The following DDAH1 variants were observed in gnomAD, a reference collection of about 807,000 sequenced individuals.
DDAH1 encodes the protein N(G),N(G)-dimethylarginine dimethylaminohydrolase 1.
Under a neutral mutation model 28.8 loss-of-function variants are expected in DDAH1, and 19 were observed. The observed-to-expected ratio is 0.66, with a 90% CI of 0.46 to 0.97. The LOEUF is 0.97. Among genes scored for constraint, DDAH1 ranks in the 50% least tolerant of loss-of-function variants. The pLI, the probability that DDAH1 is intolerant of heterozygous loss-of-function variation, is 0.00. For missense variants in DDAH1, 326 were observed against 375.9 expected (o/e 0.87, Z 1.10); for synonymous variants, 153 against 154.4 (o/e 0.99, Z 0.07).
At chr1:85,550,743 T>TAA (rs1411862897) in intron 1 of DDAH1, among the ~76,000 whole-genome samples, 3 of 150,274 alleles carry the variant, frequency 2.0e-5, no homozygotes, top group Non-Finnish European at 4.4e-5. Context: ...TAAGTAATAA[T>TAA]AAAAAACACA....
intron 4 of DDAH1, among the ~76,000 whole-genome samples, chr1:85,337,715 G>A (rs1050936208): frequency 6.6e-6 from 1 of 152,128 alleles, no homozygotes; most frequent in African/African-American, 2.4e-5. Flanking sequence ...GCCTCCCAAA[G>A]TCCTGGCATG....
rs147804796 is a variant in DDAH1, at chr1:85,569,075, T to C, written c.-123+8909A>G. ...GGCCTGTGTGAACTCCCCAAGAATC[T>C]ACTGAGTTGTAAATAACACCTGATG... On this transcript the variant is annotated intron_variant, in intron 1 of 6. Coordinates refer to the DDAH1 transcript ENST00000426972. Among the ~76,000 whole-genome samples, 63 of 152,312 alleles carry C rather than the reference T, an allele frequency of 4.1e-4. No homozygotes were observed. The East Asian group carries it at 0.012, about 28-fold the overall frequency.
At chr1:85,449,985 A>G (rs772007818) in intron 1 of DDAH1, among the ~76,000 whole-genome samples, 6 of 152,156 alleles carry the variant, frequency 3.9e-5, no homozygotes, top group Non-Finnish European at 8.8e-5. Context: ...TACAAACAGG[A>G]GCAACAGCAT....
Position 85,465,139 on chromosome 1 carries a change from C to G in DDAH1, c.-94G>C. On this transcript the variant is annotated 5_prime_UTR_variant, in exon 1 of 6. Coordinates refer to ENST00000284031, the MANE Select transcript of DDAH1 (RefSeq NM_012137.4). ...TGAGCCTGCGAGCGCCCGTCGGCTC[C>G]TCTTGGCAGCCGCTGAATGTGGTGC... 8.6e-7 allele frequency: 1 copy of G among 1,164,814 alleles called. No individual in the cohort carries two copies. The highest frequency in any genetic ancestry group is 1.1e-6 in the Non-Finnish European group (1 of 945,722). 72.2% of individuals were successfully genotyped at this position (1,164,814 alleles called of 1,614,324 possible).
chr1:85,470,219 T>G (rs1445214789), intron 2 of DDAH1, among the ~76,000 whole-genome samples: 1 of 152,186 alleles, frequency 6.6e-6, no homozygotes, highest in Non-Finnish European at 1.5e-5. Flanking sequence ...TTTTATGGAC[T>G]CACAGTTCCA....
chr1:85,364,552 CT>C (rs34633935), intron 1 of DDAH1, among the ~76,000 whole-genome samples: 49,765 of 147,532 alleles, frequency 0.34, 8,258 homozygotes, highest in South Asian at 0.4. Flanking sequence ...TGATTACTTT[CT>C]TTTTTTTTTT....
intron 1 of DDAH1, among the ~76,000 whole-genome samples, chr1:85,524,367 T>C (rs1386832352): frequency 2.0e-5 from 3 of 148,454 alleles, no homozygotes; most frequent in African/African-American, 7.5e-5. Context: ...GGCGTTTGAA[T>C]AGGACCTTAA....
At chr1:85,462,724 C>T (rs983376521) in intron 1 of DDAH1, among the ~76,000 whole-genome samples, 4 of 152,198 alleles carry the variant, frequency 2.6e-5, no homozygotes, top group Admixed American at 6.5e-5. Context: ...GCATCCCATC[C>T]AACACTGACT....
chr1:85,460,320 C>G (rs1655073031), intron 1 of DDAH1, among the ~76,000 whole-genome samples: 1 of 152,196 alleles, frequency 6.6e-6, no homozygotes, highest in South Asian at 2.1e-4. Flanking sequence ...TTCCCCATCC[C>G]TTCCATTTAT....
At chr1:85,488,359 T>C (rs1331629022) in intron 2 of DDAH1, 1 of 152,162 alleles carries the variant, frequency 6.6e-6, no homozygotes, top group Non-Finnish European at 1.5e-5. Flanking sequence ...GCTCTCTTCC[T>C]GGTTTTCAGA....
intron 4 of DDAH1, among the ~76,000 whole-genome samples, chr1:85,342,911 A>AGTAT (rs1570402294): frequency 6.6e-6 from 1 of 152,304 alleles, no homozygotes; most frequent in South Asian, 2.1e-4. Flanking sequence ...AACCCAGGGT[A>AGTAT]GTATGTTTTC....
At chr1:85,519,272 AT>A (rs1327552133) in intron 1 of DDAH1, among the ~76,000 whole-genome samples, 101 of 151,148 alleles carry the variant, frequency 6.7e-4, no homozygotes, top group Admixed American at 2.7e-3. Context: ...TTTTTTTTGT[AT>A]TTTTAGTAGA....
intron 4 of DDAH1, among the ~76,000 whole-genome samples, chr1:85,348,127 CATT>C (rs1395316763): frequency 6.6e-6 from 1 of 152,138 alleles, no homozygotes; most frequent in African/African-American, 2.4e-5. Flanking sequence ...AAAGGAACAT[CATT>C]ATTAACACTA....
chr1:85,320,415 G>A lies in DDAH1; in HGVS notation c.*1037C>T, dbSNP rs1661276199. 6.6e-6 allele frequency: 1 copy of A among 152,324 alleles called. No individual in the cohort carries two copies. The highest frequency in any genetic ancestry group is 2.1e-4 in the South Asian group (1 of 4,824). The allele number at this position is 152,324 out of a possible 1,614,324, so 9.4% of individuals were successfully genotyped here. On this transcript the variant is annotated 3_prime_UTR_variant, in exon 6 of 6. Transcript: ENST00000284031. ...ACCAGTAATTATTTTCAGACATGAT[G>A]TCTCTTTTGAAAGAAATGACTTTGC...
chr1:85,325,276 G>A (rs1473037263), intron 4 of DDAH1, among the ~76,000 whole-genome samples: 1 of 152,122 alleles, frequency 6.6e-6, no homozygotes, highest in Non-Finnish European at 1.5e-5. Context: ...GGAAAGAAGG[G>A]CCATACCAGT....
chr1:85,407,323 T>C (rs1652451513), intron 1 of DDAH1, among the ~76,000 whole-genome samples: 1 of 152,216 alleles, frequency 6.6e-6, no homozygotes, highest in Admixed American at 6.5e-5. Context: ...AGAGCGGAGC[T>C]GGCCAACAAT....
intron 1 of DDAH1, among the ~76,000 whole-genome samples, chr1:85,510,319 A>G (rs1657178613): frequency 6.6e-6 from 1 of 152,236 alleles, no homozygotes; most frequent in Admixed American, 6.5e-5. Context: ...TGTCACAACC[A>G]GGCTTGCCTT....
intron 2 of DDAH1, among the ~76,000 whole-genome samples, chr1:85,482,913 A>G (rs1443693330): frequency 6.6e-6 from 1 of 152,218 alleles, no homozygotes; most frequent in Admixed American, 6.5e-5. Flanking sequence ...CAGAAAAGGA[A>G]GAAGGGGACA....
At chr1:85,462,086 G>A (rs1284338399) in intron 1 of DDAH1, among the ~76,000 whole-genome samples, 1 of 152,216 alleles carries the variant, frequency 6.6e-6, no homozygotes. Flanking sequence ...CTGGTATGGT[G>A]TATGGCAAGT....
Sources: allele counts gnomAD v4.1 joint callset (sites outside exome capture counted in the v4.1 genomes callset), GRCh38; gene constraint gnomAD v4.1.1; transcripts MANE v1.5; gene names NCBI Gene and HGNC (gene_info 2026-07-23, HGNC 2026-07-21).